The following OCA2 variants were observed in gnomAD, a reference collection of about 807,000 sequenced individuals.
The protein encoded by OCA2 is OCA2 melanosomal transmembrane protein.
OCA2 carries 77 observed loss-of-function variants against 100.2 expected under a neutral mutation model. The observed-to-expected ratio is 0.77, with a 90% CI of 0.64 to 0.93. The LOEUF is 0.93. Ranked by LOEUF, OCA2 falls within the 40% of genes least tolerant of loss-of-function variation. OCA2 has a pLI of 0.00. For missense variants in OCA2, 1,062 were observed against 1,089.1 expected, an observed-to-expected ratio of 0.98 and a Z score of 0.35; for synonymous variants, 432 against 439.2, an observed-to-expected ratio of 0.98 and a Z score of 0.21.
Position 27,975,159 on chromosome 15 carries a change from A to G in OCA2, c.1503+8186T>C, listed in dbSNP as rs547890498. 4.6e-5 allele frequency among the ~76,000 whole-genome samples: 7 copies of G among 152,360 alleles called. No individual in the cohort carries two copies. In the South Asian group the frequency reaches 1.4e-3, roughly 32 times the overall value. On this transcript the variant is annotated intron_variant, in intron 14 of 23. Transcript: ENST00000354638. Reference sequence around the variant, plus strand: ...CTAGGACTGTAAGGGCAGGCTTAAAATGATGCAGAGTTAATTCAGATTGTG... The same window carrying G: ...CTAGGACTGTAAGGGCAGGCTTAAAGTGATGCAGAGTTAATTCAGATTGTG...
intron 2 of OCA2, among the ~76,000 whole-genome samples, chr15:28,047,512 C>T (rs1195766573): frequency 6.6e-6 from 1 of 152,186 alleles, no homozygotes; most frequent in East Asian, 1.9e-4. Context: ...GCTTCTTCCC[C>T]CACTTGTTAT....
the OCA2 span, among the ~76,000 whole-genome samples, chr15:27,728,642 C>G: frequency 6.6e-6 from 1 of 152,188 alleles, no homozygotes; most frequent in Non-Finnish European, 1.5e-5. Context: ...CCCATCTCTA[C>G]TTTTCCTTTG....
At chr15:27,988,309 T>C (rs1189136142) in intron 11 of OCA2, among the ~76,000 whole-genome samples, 2 of 151,854 alleles carry the variant, frequency 1.3e-5, no homozygotes, top group African/African-American at 4.8e-5. Flanking sequence ...GCCATTTTTA[T>C]AGGCTGTGTC....
rs1209752700 is a variant in OCA2, at chr15:27,913,855, GA to G, written c.2079+12271del. 9.6e-3 allele frequency among the ~76,000 whole-genome samples: 346 copies of G among 36,214 alleles called. 7 individuals carry two copies. Among genetic ancestry groups the G allele is most frequent in the African/African-American group, 0.044 (331 of 7,474 alleles). The allele number at this position is 36,214 out of a possible 152,430, so 23.8% of individuals were successfully genotyped here. The stretch of plus-strand genomic sequence containing the variant: ...GAAAGAAAGGAAAGAAAGAAAGAAA[GA>G]AAGAAAGAAAGAAAGAAAGAAAGAA... On this transcript the variant is annotated intron_variant, in intron 19 of 23. Transcript: ENST00000354638.
At chr15:27,757,848 A>G (rs2030510794) in intron 23 of OCA2, among the ~76,000 whole-genome samples, 1 of 152,228 alleles carries the variant, frequency 6.6e-6, no homozygotes, top group Non-Finnish European at 1.5e-5. Flanking sequence ...GGGATTACAA[A>G]GTGCCCAAAA....
At chr15:27,902,208 TTG>T (rs1491067237) in intron 19 of OCA2, among the ~76,000 whole-genome samples, 11 of 69,712 alleles carry the variant, frequency 1.6e-4, no homozygotes, top group African/African-American at 7.0e-4. Flanking sequence ...AAAAAAGTTG[TTG>T]TTGTTGTTGT....
At chr15:28,016,459 GAAGTA>G (rs1370423122) in intron 7 of OCA2, among the ~76,000 whole-genome samples, 1 of 152,226 alleles carries the variant, frequency 6.6e-6, no homozygotes, top group African/African-American at 2.4e-5. Flanking sequence ...AAAAGGCATA[GAAGTA>G]AATAGTGATT....
chr15:27,864,329 T>G (rs1393099614), intron 21 of OCA2, among the ~76,000 whole-genome samples: 1 of 152,232 alleles, frequency 6.6e-6, no homozygotes, highest in Non-Finnish European at 1.5e-5. Flanking sequence ...CTCATGTTAT[T>G]AAACCTAATT....
intron 23 of OCA2, among the ~76,000 whole-genome samples, chr15:27,810,004 A>T (rs1312758791): frequency 6.6e-6 from 1 of 152,168 alleles, no homozygotes; most frequent in Non-Finnish European, 1.5e-5. Context: ...TTTTTACAGA[A>T]TTTTTTTAAA....
intron 19 of OCA2, among the ~76,000 whole-genome samples, chr15:27,919,373 T>A (rs368581110): frequency 5.9e-5 from 9 of 152,170 alleles, no homozygotes; most frequent in African/African-American, 2.2e-4. Flanking sequence ...AGGCAAGATG[T>A]CCTTAAGTCA....
chr15:27,826,766 G>T lies in OCA2; in HGVS notation c.2432+18193C>A, dbSNP rs143057687. Among the ~76,000 whole-genome samples, 9 of 152,348 alleles carry T rather than the reference G, an allele frequency of 5.9e-5. No individual in the cohort carries two copies. The East Asian group carries it at 1.7e-3, about 29-fold the overall frequency. ...ATGAACCCCAGCGGCCTAAGGCATC[G>T]AGACTCCCCACTGCATGATGCCTGA... is the stretch of plus-strand genomic sequence containing the variant. On this transcript the variant is annotated intron_variant, in intron 23 of 23. Transcript: ENST00000354638.
chr15:27,860,139 T>A (rs1444023076), intron 21 of OCA2, among the ~76,000 whole-genome samples: 3 of 151,826 alleles, frequency 2.0e-5, no homozygotes, highest in Non-Finnish European at 4.4e-5. Context: ...GGGAAAAAAA[T>A]AAAGCAAAAA....
At chr15:27,899,884 C>A (rs953500589) in intron 19 of OCA2, among the ~76,000 whole-genome samples, 1 of 152,172 alleles carries the variant, frequency 6.6e-6, no homozygotes. Flanking sequence ...GAGATAGGAG[C>A]ACTCCCTCCC....
intron 23 of OCA2, among the ~76,000 whole-genome samples, chr15:27,769,672 A>G (rs1353550361): frequency 6.6e-6 from 1 of 152,240 alleles, no homozygotes; most frequent in Non-Finnish European, 1.5e-5. Flanking sequence ...ATAACAAACC[A>G]TAACTATGGT....
At chr15:27,971,266 G>T (rs2040780197) in intron 14 of OCA2, among the ~76,000 whole-genome samples, 1 of 152,144 alleles carries the variant, frequency 6.6e-6, no homozygotes. Flanking sequence ...ACAACGTGGG[G>T]CATGAAGGGA....
the OCA2 span, among the ~76,000 whole-genome samples, chr15:27,739,538 C>G: frequency 6.7e-6 from 1 of 149,452 alleles, no homozygotes; most frequent in Admixed American, 6.7e-5. Flanking sequence ...CTCCACCTCC[C>G]GGGTTCAAGT....
intron 23 of OCA2, among the ~76,000 whole-genome samples, chr15:27,824,075 A>G (rs1434270182): frequency 2.0e-5 from 3 of 152,234 alleles, no homozygotes; most frequent in Admixed American, 1.3e-4. Flanking sequence ...ATAAAGCCCT[A>G]TGCAGCCTTT....
At chr15:27,987,359 G>A (rs1365614520) in intron 11 of OCA2, among the ~76,000 whole-genome samples, 1 of 152,158 alleles carries the variant, frequency 6.6e-6, no homozygotes, top group Non-Finnish European at 1.5e-5. Context: ...TTTGATGGCA[G>A]TCACCATGTG....
chr15:27,736,110 G>T, the OCA2 span, among the ~76,000 whole-genome samples: 150 of 152,060 alleles, frequency 9.9e-4, 1 homozygote, highest in African/African-American at 3.4e-3. Context: ...AATTAGATCT[G>T]CTAATTAAAA....
Sources: gnomAD v4.1 joint callset for allele counts (sites outside exome capture counted in the v4.1 genomes callset) on GRCh38, gnomAD v4.1.1 for gene constraint, MANE v1.5 for transcripts, NCBI Gene and HGNC (gene_info 2026-07-23, HGNC 2026-07-21) for gene names.